Variants in PALS1 observed in about 807,000 individuals in gnomAD.
PALS1 encodes protein associated with LIN7 1, MAGUK p55 family member.
In PALS1, 31 loss-of-function variants were observed where a neutral mutation model predicts 78.9. The ratio of observed to expected loss-of-function variants is 0.39; its 90% CI spans 0.30 to 0.53. The LOEUF (loss-of-function observed/expected upper bound fraction) is 0.53, where lower values mean the gene tolerates loss of function less well. PALS1 is among the 20% of genes least tolerant of loss of function. The probability of loss-of-function intolerance (pLI) is 0.67; values close to 1 mark genes in which losing one functional copy is unlikely to be tolerated. For missense variants in PALS1, 704 were observed against 826.5 expected (o/e 0.85, Z 1.82); for synonymous variants, 276 against 270.9 (o/e 1.02, Z -0.18).
intron 3 of PALS1, among the ~76,000 whole-genome samples, chr14:67,280,839 C>CCTTT (rs2084593347): frequency 7.4e-6 from 1 of 135,928 alleles, no homozygotes; most frequent in Admixed American, 7.6e-5. Flanking sequence ...TTCCTTCCTT[C>CCTTT]CTTCCTTCCT....
chr14:67,284,864 A>C (rs930892400), intron 3 of PALS1, among the ~76,000 whole-genome samples: 1 of 152,098 alleles, frequency 6.6e-6, no homozygotes, highest in East Asian at 1.9e-4. Flanking sequence ...TCCACTGTAC[A>C]AATATACCAC....
At chr14:67,278,890 C>T (rs1454846978) in intron 2 of PALS1, 128 bp from the exon 3 acceptor site, 2 of 204,524 alleles carry the variant, frequency 9.8e-6, no homozygotes, top group African/African-American at 4.6e-5. Flanking sequence ...AGTACTTAAT[C>T]TACTTAACAA....
intron 14 of PALS1, among the ~76,000 whole-genome samples, chr14:67,328,358 G>A (rs915204629): frequency 6.6e-6 from 1 of 152,188 alleles, no homozygotes; most frequent in Non-Finnish European, 1.5e-5. Context: ...ATTTGTTTAA[G>A]TTCTTTGTAG....
chr14:67,329,877 A>AATAG (rs1233815201), intron 14 of PALS1, among the ~76,000 whole-genome samples: 51 of 86,850 alleles, frequency 5.9e-4, no homozygotes, highest in Admixed American at 3.7e-3. Context: ...TAAATAAATA[A>AATAG]ATAGATATAG....
At position 67,334,301 on chromosome 14, in the gene PALS1, A is replaced by G. The variant is rs1440682473; in HGVS notation, c.*1345A>G. 2.6e-5 allele frequency: 4 copies of G among 152,596 alleles called. No individual in the cohort carries two copies. Among genetic ancestry groups the G allele is most frequent in the Admixed American group, 6.5e-5 (1 of 15,270 alleles). 9.5% of individuals were successfully genotyped at this position (152,596 alleles called of 1,614,324 possible). A position where few individuals can be genotyped will look rare whatever the true frequency, so the allele number is the denominator to read the frequency against. ...TAGCTGTAGCTTTAAAATTCAACGT[A>G]TATAATTGGCATGGAAACTTAATTT... On this transcript the variant is annotated 3_prime_UTR_variant, in exon 15 of 15. Coordinates refer to ENST00000261681, the MANE Select transcript of PALS1 (RefSeq NM_022474.4).
At chr14:67,313,589 A>C (rs2085126237) in intron 9 of PALS1, among the ~76,000 whole-genome samples, 1 of 152,178 alleles carries the variant, frequency 6.6e-6, no homozygotes, top group South Asian at 2.1e-4. Flanking sequence ...TTAATAAGCT[A>C]TCGGAGAAGG....
chr14:67,300,986 C>G (rs576138450), intron 4 of PALS1, among the ~76,000 whole-genome samples: 1 of 152,158 alleles, frequency 6.6e-6, no homozygotes, highest in East Asian at 1.9e-4. Flanking sequence ...GCCACTGCAC[C>G]CAGCCTGACT....
rs1231944052 is a variant in PALS1 at position 67,323,182 on chromosome 14, TATA to T, written c.1741-516_1741-514del. ...AAAGAGCAAGCTAAAATTATATGTA[TATA>T]ATATGTATTATATGTGTATATATAT... On this transcript the variant is annotated intron_variant, in intron 13 of 14. Coordinates refer to ENST00000261681, the MANE Select transcript of PALS1 (RefSeq NM_022474.4). Among the ~76,000 whole-genome samples, 31 of 151,614 alleles carry T rather than the reference TATA, an allele frequency of 2.0e-4. 1 individual carries two copies. The highest frequency in any genetic ancestry group is 1.8e-3 in the Admixed American group (28 of 15,196).
At chr14:67,330,121 A>G (rs370486575) in intron 14 of PALS1, among the ~76,000 whole-genome samples, 1 of 148,976 alleles carries the variant, frequency 6.7e-6, no homozygotes, top group East Asian at 2.0e-4. Flanking sequence ...TAAAGACACA[A>G]TCTGGAACCA....
Position 67,290,482 on chromosome 14 carries a change from G to T in PALS1, c.368-2029G>T, listed in dbSNP as rs146575146. ...CAGTAGCGTGATCATGGCCCCAGTG[G>T]ATTCTCCCACCTCAGCCTAATGAGT... On this transcript the variant is annotated intron_variant, in intron 3 of 14. Transcript: ENST00000261681. Among the ~76,000 whole-genome samples, 14 of 152,062 alleles carry T rather than the reference G, an allele frequency of 9.2e-5. No homozygotes were observed. The East Asian group carries it at 2.7e-3, about 30-fold the overall frequency.
At chr14:67,310,656 CT>C (rs2085074839) in intron 8 of PALS1, among the ~76,000 whole-genome samples, 1 of 152,128 alleles carries the variant, frequency 6.6e-6, no homozygotes, top group Non-Finnish European at 1.5e-5. Context: ...TTGCTGGTAG[CT>C]GTTTAACTTT....
At chr14:67,248,871 G>A (rs770603695) in intron 1 of PALS1, among the ~76,000 whole-genome samples, 3 of 152,078 alleles carry the variant, frequency 2.0e-5, no homozygotes, top group Non-Finnish European at 4.4e-5. Flanking sequence ...TGTTGCTCAG[G>A]CTGGTCTCGA....
intron 8 of PALS1, among the ~76,000 whole-genome samples, chr14:67,308,714 A>G (rs1430227589): frequency 1.3e-5 from 2 of 151,908 alleles, no homozygotes; most frequent in Non-Finnish European, 2.9e-5. Context: ...TACAAGTACC[A>G]TCTACTGTGC....
chr14:67,266,130 C>G lies in PALS1; in HGVS notation c.-236-3571C>G, dbSNP rs142918883. Among the ~76,000 whole-genome samples, 615 of 151,554 alleles carry G rather than the reference C, an allele frequency of 4.1e-3. 2 individuals carry two copies. The highest frequency in any genetic ancestry group is 5.3e-3 in the Non-Finnish European group (358 of 67,886). ...TGTAAAAACTTCTTTTATATTGTGC[C>G]CATTGAGTTAAACGAGTTCAGTTTA... On this transcript the variant is annotated intron_variant, in intron 1 of 14. Coordinates refer to ENST00000261681, the MANE Select transcript of PALS1 (RefSeq NM_022474.4).
In PALS1 at chr14:67,330,455, ATTTTT is replaced by A. The variant is rs533831095; in HGVS notation, c.1852-2309_1852-2305del. Among the ~76,000 whole-genome samples the A allele has an allele frequency of 1.3e-4, 15 of 117,782 alleles. No individual in the cohort carries two copies. The South Asian group carries it at 3.8e-3, about 30-fold the overall frequency. 77.3% of individuals were successfully genotyped at this position (117,782 alleles called of 152,430 possible). Reference sequence around the variant, plus strand: ...TAGAAGTATTTTCTAATTTCCCTTCATTTTTTTTTTTTTTTTTTTTGAGATGGGGT... The same window carrying A: ...TAGAAGTATTTTCTAATTTCCCTTCATTTTTTTTTTTTTTTGAGATGGGGT... On this transcript the variant is annotated intron_variant, in intron 14 of 14. Coordinates refer to ENST00000261681, the MANE Select transcript of PALS1 (RefSeq NM_022474.4).
chr14:67,260,929 C>T (rs904196097), intron 1 of PALS1, among the ~76,000 whole-genome samples: 1 of 152,058 alleles, frequency 6.6e-6, no homozygotes, highest in Non-Finnish European at 1.5e-5. Context: ...CAAGTGGAGC[C>T]ATATGAATGT....
intron 1 of PALS1, among the ~76,000 whole-genome samples, chr14:67,256,924 A>C (rs950254696): frequency 6.6e-6 from 1 of 152,178 alleles, no homozygotes; most frequent in African/African-American, 2.4e-5. Context: ...AAAATATCTG[A>C]CAGGTCTCAT....
At chr14:67,266,889 C>A (rs1295259931) in intron 1 of PALS1, among the ~76,000 whole-genome samples, 1 of 151,966 alleles carries the variant, frequency 6.6e-6, no homozygotes, top group African/African-American at 2.4e-5. Context: ...GTGGACAGAT[C>A]ACTTGAGCCT....
Position 67,292,574 on chromosome 14 carries a change from A to G in PALS1, c.431A>G (p.Gln144Arg). 6.2e-7 allele frequency: 1 copy of G among 1,613,674 alleles called. No individual in the cohort carries two copies. The highest frequency in any genetic ancestry group is 8.5e-7 in the Non-Finnish European group (1 of 1,179,656). Residue 144 changes from glutamine to arginine, a missense_variant, in exon 4 of 15, where the codon CAG (glutamine) becomes CGG (arginine). Coordinates refer to ENST00000261681, the MANE Select transcript of PALS1 (RefSeq NM_022474.4). The part of the protein sequence containing the change: ...IQHTLVDSQS[Q>R]EDISLLLQLV... The stretch of plus-strand genomic sequence containing the variant: ...CATACTTTGGTAGATTCTCAGAGCC[A>G]GGAGGATATTTCACTGCTTTTACAA...
Sources: gnomAD v4.1 joint callset for allele counts (sites outside exome capture counted in the v4.1 genomes callset) on GRCh38, gnomAD v4.1.1 for gene constraint, MANE v1.5 for transcripts, NCBI Gene and HGNC (gene_info 2026-07-23, HGNC 2026-07-21) for gene names.